GOLGA2: variants seen among roughly 807,000 people sequenced by gnomAD.
GOLGA2 encodes the protein golgin subfamily A member 2.
A neutral mutation model predicts 148.8 loss-of-function variants in GOLGA2; 49 were observed. That is an observed-to-expected ratio of 0.33 (90% CI 0.26 to 0.42). The LOEUF (loss-of-function observed/expected upper bound fraction) is 0.42, where lower values mean the gene tolerates loss of function less well. Among genes scored for constraint, GOLGA2 ranks in the 10% least tolerant of loss-of-function variants. The pLI, the probability that GOLGA2 is intolerant of heterozygous loss-of-function variation, is 1.00. For synonymous variants in GOLGA2, 501 were observed against 511.8 expected (o/e 0.98, Z 0.28); for missense variants, 1,178 against 1,304.6 (o/e 0.90, Z 1.49).
chr9:128,260,775 G>A lies in GOLGA2; in HGVS notation c.1448C>T (p.Ala483Val). Residue 483 changes from alanine to valine, a missense_variant, in exon 18 of 27, where the codon GCA becomes GTA. Transcript: ENST00000611957. The surrounding 1 kb of genome is among the most constrained non-coding windows in gnomAD (Gnocchi z 4.8). Reference sequence around the variant, plus strand: ...CTGCTGCTCCACCTCGGAGGGCCCTGCTGGGGGCTCTGGGGGCGGGGGTTC... The same window carrying A: ...CTGCTGCTCCACCTCGGAGGGCCCTACTGGGGGCTCTGGGGGCGGGGGTTC... ...MAEPPPPEPPAGPSEVEQQLQ... is the reference protein window; with the variant it reads ...MAEPPPPEPPVGPSEVEQQLQ... The A allele has an allele frequency of 6.2e-7, 1 of 1,610,344 alleles. No individual in the cohort carries two copies. Among genetic ancestry groups the A allele is most frequent in the South Asian group, 1.1e-5 (1 of 91,018 alleles).
At chr9:128,265,518 C>A (rs923249531) in intron 12 of GOLGA2, 67 bp downstream of exon 12, 10 of 1,153,920 alleles carry the variant, frequency 8.7e-6, no homozygotes, top group Middle Eastern at 1.9e-4. Flanking sequence ...GCAGAAGGGA[C>A]CTTTAGGCTC....
rs138066781 is a variant in GOLGA2, at chr9:128,261,551, G to A, written c.1235C>T (p.Ser412Leu). 3.1e-5 allele frequency: 50 copies of A among 1,598,052 alleles called. No homozygotes were observed. In the African/African-American group the frequency reaches 3.2e-4, roughly 10 times the overall value. The change falls in exon 16 of 27, where the codon TCG (serine) becomes TTG (leucine). Residue 412 changes from serine to leucine, a missense_variant. Transcript: ENST00000611957. This position sits in a 1 kb window ranked among gnomAD's most constrained non-coding sequence, Gnocchi z 5.7. ...LEAHLGQVME[S>L]VRQLQMERDK... ...TCTCTCCATTTGTAGTTGTCTAACC[G>A]ACTCCATTACCTGCAAGAATGGCCA...
intron 12 of GOLGA2, among the ~76,000 whole-genome samples, chr9:128,264,208 A>C (rs1830455732): frequency 6.7e-6 from 1 of 149,416 alleles, no homozygotes; most frequent in Non-Finnish European, 1.5e-5. Flanking sequence ...AGGGAGAGAG[A>C]GCGAATTTAT....
chr9:128,261,118 C>T lies in GOLGA2; in HGVS notation c.1420+54G>A, dbSNP rs144230697. On this transcript the variant is annotated intron_variant, in intron 17 of 26. Transcript: ENST00000611957. The surrounding 1 kb of genome is among the most constrained non-coding windows in gnomAD (Gnocchi z 5.7). Reference sequence around the variant, plus strand: ...ACTCCCTGGGGCATTCTAAACCACCCCCACAACCCTCTGACACCATTCCTG... The same window carrying T: ...ACTCCCTGGGGCATTCTAAACCACCTCCACAACCCTCTGACACCATTCCTG... 2,378 of 1,238,912 alleles carry T rather than the reference C, an allele frequency of 1.9e-3. 6 individuals are homozygous for T. Among genetic ancestry groups the T allele is most frequent in the Middle Eastern group, 0.012 (64 of 5,346 alleles). The allele number at this position is 1,238,912 out of a possible 1,614,324, so 76.7% of individuals were successfully genotyped here. A position where few individuals can be genotyped will look rare whatever the true frequency, so the allele number is the denominator to read the frequency against.
chr9:128,271,588 G>A lies in GOLGA2; in HGVS notation c.288+1197C>T, dbSNP rs1830949908. Among the ~76,000 whole-genome samples the A allele has an allele frequency of 1.3e-5, 2 of 152,012 alleles. No individual in the cohort carries two copies. The highest frequency in any genetic ancestry group is 1.3e-4 in the Admixed American group (2 of 15,256). On this transcript the variant is annotated intron_variant, in intron 3 of 26. Coordinates refer to ENST00000611957, the MANE Select transcript of GOLGA2 (RefSeq NM_001366244.2). This position sits in a 1 kb window ranked among gnomAD's most constrained non-coding sequence, Gnocchi z 4.4. ...TCTGTGAGTTCACACTCTGGCCACGGCCTCACCGCTCCCCCTGCCTCCCCC... is the reference window on the plus strand; with the variant it reads ...TCTGTGAGTTCACACTCTGGCCACGACCTCACCGCTCCCCCTGCCTCCCCC...
rs770341034 is a variant in GOLGA2 at position 128,263,105 on chromosome 9, A to G, written c.934-13T>C. On this transcript the variant is annotated splice_polypyrimidine_tract_variant and intron_variant, in intron 12 of 26. Transcript: ENST00000611957. The stretch of plus-strand genomic sequence containing the variant: ...ACTCCTTGTTGTACTGTAAATACAG[A>G]AAGGTTAAGTCAGGATATAGCAGGC... 6.9e-6 allele frequency: 11 copies of G among 1,591,212 alleles called. No individual in the cohort carries two copies. The East Asian group carries it at 2.5e-4, about 36-fold the overall frequency.
At chr9:128,274,001 T>C (rs1202644983) in intron 1 of GOLGA2, 29 bp from the exon 2 acceptor site, 10 of 1,601,776 alleles carry the variant, frequency 6.2e-6, no homozygotes, top group African/African-American at 1.3e-5. Context: ...ATAATATTCA[T>C]GAGATCTACA....
At position 128,260,491 on chromosome 9, in the gene GOLGA2, C is replaced by G; in HGVS notation, c.1732G>C (p.Glu578Gln). 6.2e-7 allele frequency: 1 copy of G among 1,611,972 alleles called. No individual in the cohort carries two copies. Among genetic ancestry groups the G allele is most frequent in the Non-Finnish European group, 8.5e-7 (1 of 1,178,710 alleles). Residue 578 changes from glutamate to glutamine, a missense_variant, in exon 18 of 27, where the codon GAG becomes CAG. Physicochemically the swap from Glu to Gln is conservative, Grantham distance 29. Transcript: ENST00000611957. The surrounding 1 kb of genome is among the most constrained non-coding windows in gnomAD (Gnocchi z 4.8). Reference protein sequence around the residue: ...QNRELKEQLAELQSGFVKLTN... With the variant: ...QNRELKEQLAQLQSGFVKLTN... ...AGCTTTACAAATCCGCTCTGCAGCT[C>G]AGCCAGCTGCTCCTTGAGCTCCCGG...
At chr9:128,263,123 T>C (rs1830377550) in intron 12 of GOLGA2, 31 bp from the exon 13 acceptor site, 1 of 1,498,648 alleles carries the variant, frequency 6.7e-7, no homozygotes, top group Non-Finnish European at 9.3e-7. Context: ...AGTCAGGATA[T>C]AGCAGGCAGA....
rs768016240 is a variant in GOLGA2 at position 128,257,464 on chromosome 9, T to C, written c.2780A>G (p.His927Arg). The change falls in exon 26 of 27, where the codon CAT (histidine) becomes CGT (arginine). Residue 927 changes from histidine to arginine, a missense_variant. Physicochemically the swap from His to Arg is conservative, Grantham distance 29. Coordinates refer to ENST00000611957, the MANE Select transcript of GOLGA2 (RefSeq NM_001366244.2). This position sits in a 1 kb window ranked among gnomAD's most constrained non-coding sequence, Gnocchi z 8.0. ...CTGGGCAGCTGCCAGGAATCTGCCA[T>C]GCCACTCGTTGCGGTCGCCCACAAG... ...LRLVGDRNEW[H>R]GRFLAAAQNP... 6.2e-6 allele frequency: 10 copies of C among 1,613,160 alleles called. No homozygotes were observed. Among genetic ancestry groups the C allele is most frequent in the South Asian group, 4.4e-5 (4 of 91,052 alleles).
rs570869023 is a variant in GOLGA2 at position 128,268,531 on chromosome 9, C to T, written c.289-7G>A. ...CAGCATTGTCCTTGGGTGTCTGTCA[C>T]AGAACAGAGCAGGGGGTTAGGGGGC... On this transcript the variant is annotated splice_region_variant and splice_polypyrimidine_tract_variant and intron_variant, in intron 3 of 26. Coordinates refer to ENST00000611957, the MANE Select transcript of GOLGA2 (RefSeq NM_001366244.2). 1.9e-6 allele frequency: 3 copies of T among 1,540,668 alleles called. No individual in the cohort carries two copies. The highest frequency in any genetic ancestry group is 4.5e-5 in the East Asian group (2 of 44,546).
At position 128,266,416 on chromosome 9, in the gene GOLGA2, G is replaced by A. The variant is rs995133250; in HGVS notation, c.643-91C>T. 6.5e-5 allele frequency: 73 copies of A among 1,127,302 alleles called. No homozygotes were observed. The Middle Eastern group carries it at 1.4e-3, about 22-fold the overall frequency. 69.8% of individuals were successfully genotyped at this position (1,127,302 alleles called of 1,614,324 possible). ...AACGGGTAGGCAGGGGCCAGGAATGGATTTTAAAGGCAAAGTTCTCAGACC... is the reference window on the plus strand; with the variant it reads ...AACGGGTAGGCAGGGGCCAGGAATGAATTTTAAAGGCAAAGTTCTCAGACC... On this transcript the variant is annotated intron_variant, in intron 8 of 26. Transcript: ENST00000611957. The surrounding 1 kb of genome is among the most constrained non-coding windows in gnomAD (Gnocchi z 4.2).
intron 3 of GOLGA2, among the ~76,000 whole-genome samples, chr9:128,270,892 A>T (rs1000599684): frequency 6.6e-6 from 1 of 151,514 alleles, no homozygotes; most frequent in African/African-American, 2.4e-5. Flanking sequence ...TTAAAAATAC[A>T]AAAAAAATGG....
At position 128,275,879 on chromosome 9, in the gene GOLGA2, C is replaced by G. The variant is rs1366605472; in HGVS notation, c.84+14G>C. The G allele has an allele frequency of 2.7e-6, 4 of 1,478,428 alleles. No homozygotes were observed. Among genetic ancestry groups the G allele is most frequent in the Non-Finnish European group, 1.9e-6 (2 of 1,080,856 alleles). 91.6% of individuals were successfully genotyped at this position (1,478,428 alleles called of 1,614,324 possible). A position where few individuals can be genotyped will look rare whatever the true frequency, so the allele number is the denominator to read the frequency against. ...TGGGGCTGGGTCGGGGGGCCGCGACCCGGTGCACTTTACCTTTTTCTTCGC... is the reference window on the plus strand; with the variant it reads ...TGGGGCTGGGTCGGGGGGCCGCGACGCGGTGCACTTTACCTTTTTCTTCGC... On this transcript the variant is annotated intron_variant, in intron 1 of 26. Coordinates refer to ENST00000611957, the MANE Select transcript of GOLGA2 (RefSeq NM_001366244.2).
In GOLGA2 at chr9:128,260,401, G is replaced by T; in HGVS notation, c.1758+64C>A. 1 of 1,354,990 alleles carries T rather than the reference G, an allele frequency of 7.4e-7. No homozygotes were observed. Among genetic ancestry groups the T allele is most frequent in the Non-Finnish European group, 1.0e-6 (1 of 959,688 alleles). 83.9% of individuals were successfully genotyped at this position (1,354,990 alleles called of 1,614,324 possible). ...GAGGGCTACACTGCCCCACTTTACA[G>T]GTGGGAAAACAAAGGTCTGGAGGGC... is the stretch of plus-strand genomic sequence containing the variant. On this transcript the variant is annotated intron_variant, in intron 18 of 26. Coordinates refer to ENST00000611957, the MANE Select transcript of GOLGA2 (RefSeq NM_001366244.2). The surrounding 1 kb of genome is among the most constrained non-coding windows in gnomAD (Gnocchi z 4.8).
At chr9:128,270,067 C>G (rs545095879) in intron 3 of GOLGA2, among the ~76,000 whole-genome samples, 1 of 151,896 alleles carries the variant, frequency 6.6e-6, no homozygotes, top group East Asian at 1.9e-4. Flanking sequence ...TTAGGGCCCT[C>G]CTGGCATCTT....
rs1414554202 is a variant in GOLGA2, at chr9:128,271,343, A to G, written c.288+1442T>C. 6.6e-6 allele frequency among the ~76,000 whole-genome samples: 1 copy of G among 152,210 alleles called. No homozygotes were observed. The highest frequency in any genetic ancestry group is 1.5e-5 in the Non-Finnish European group (1 of 68,036). ...GTATGAGACTGGACAACTCTCTAAC[A>G]GCAGCCAAGGCTGCTCTGTCTCAGT... On this transcript the variant is annotated intron_variant, in intron 3 of 26. Transcript: ENST00000611957. The surrounding 1 kb of genome is among the most constrained non-coding windows in gnomAD (Gnocchi z 4.4).
Position 128,272,162 on chromosome 9 carries a change from C to A in GOLGA2, c.288+623G>T, listed in dbSNP as rs572307677. Among the ~76,000 whole-genome samples, 13 of 149,756 alleles carry A rather than the reference C, an allele frequency of 8.7e-5. No individual in the cohort carries two copies. The East Asian group carries it at 2.5e-3, about 29-fold the overall frequency. On this transcript the variant is annotated intron_variant, in intron 3 of 26. Coordinates refer to ENST00000611957, the MANE Select transcript of GOLGA2 (RefSeq NM_001366244.2). ...TTTCATCTCTCCTAGTCTGAGAGTA[C>A]CCACACTGGGCATTCAAAAGCCCAA...
At chr9:128,275,774 G>A in intron 1 of GOLGA2, 119 bp downstream of exon 1, 1 of 622,134 alleles carries the variant, frequency 1.6e-6, no homozygotes, top group Non-Finnish European at 2.7e-6. Flanking sequence ...AGGGAGCCCG[G>A]ACGCGCCGTG....
Sources: gnomAD v4.1 joint callset for allele counts (sites outside exome capture counted in the v4.1 genomes callset) on GRCh38, gnomAD v4.1.1 for gene constraint, Gnocchi (gnomAD v3.1) non-coding constraint, MANE v1.5 for transcripts, NCBI Gene and HGNC (gene_info 2026-07-23, HGNC 2026-07-21) for gene names.